Variants in CSMD1 observed in about 807,000 individuals in gnomAD.
The protein encoded by CSMD1 is CUB and Sushi multiple domains 1, also known as CUB and sushi domain-containing protein 1.
Under a neutral mutation model 417.5 loss-of-function variants are expected in CSMD1, and 213 were observed. That is an observed-to-expected ratio of 0.51 (90% CI 0.46 to 0.57). The LOEUF is 0.57. Among genes scored for constraint, CSMD1 ranks in the 20% least tolerant of loss-of-function variants. The pLI is 0.00. For missense variants in CSMD1, 6,923 were observed against 4,529.7 expected, an observed-to-expected ratio of 1.53 and a Z score of -15.17; for synonymous variants, 2,862 against 1,736.8, an observed-to-expected ratio of 1.65 and a Z score of -16.11.
intron 1 of CSMD1, among the ~76,000 whole-genome samples, chr8:4,923,320 T>A (rs1563776177): frequency 6.6e-6 from 1 of 152,126 alleles, no homozygotes; most frequent in Non-Finnish European, 1.5e-5. Context: ...GCTTTCGTAT[T>A]GGTTAGGAGC....
intron 1 of CSMD1, among the ~76,000 whole-genome samples, chr8:4,677,406 G>C (rs777928472): frequency 1.2e-4 from 18 of 151,958 alleles, no homozygotes; most frequent in Non-Finnish European, 2.5e-4. Context: ...TTGAATTAGA[G>C]ACAGATTCTC....
At chr8:3,359,389 A>G (rs1474088435) in intron 20 of CSMD1, 49 bp from the exon 21 acceptor site, 3 of 1,400,796 alleles carry the variant, frequency 2.1e-6, no homozygotes, top group Non-Finnish European at 3.0e-6. Context: ...GGGTAAATAC[A>G]CAAAGATTAA....
At chr8:3,230,332 C>G in intron 26 of CSMD1, 101 bp from the exon 27 acceptor site, 2 of 871,496 alleles carry the variant, frequency 2.3e-6, no homozygotes, top group Non-Finnish European at 3.4e-6. Context: ...CTTCATTGGC[C>G]TAATAAGTCA....
At chr8:4,060,478 G>A (rs1798915041) in intron 3 of CSMD1, among the ~76,000 whole-genome samples, 1 of 152,148 alleles carries the variant, frequency 6.6e-6, no homozygotes, top group African/African-American at 2.4e-5. Context: ...GTTATTATTT[G>A]AGAAGGAAGG....
At chr8:4,589,161 G>T (rs184726879) in intron 2 of CSMD1, among the ~76,000 whole-genome samples, 1 of 152,032 alleles carries the variant, frequency 6.6e-6, no homozygotes, top group Non-Finnish European at 1.5e-5. Context: ...AATGAGAAAA[G>T]AAAGAAAAGT....
intron 3 of CSMD1, among the ~76,000 whole-genome samples, chr8:4,162,710 G>A (rs958929925): frequency 3.3e-5 from 5 of 152,076 alleles, no homozygotes; most frequent in African/African-American, 4.8e-5. Flanking sequence ...ACGCCAGAGT[G>A]GTGCATTTGT....
At chr8:3,269,056 A>G (rs1777755076) in intron 26 of CSMD1, among the ~76,000 whole-genome samples, 1 of 152,216 alleles carries the variant, frequency 6.6e-6, no homozygotes, top group Non-Finnish European at 1.5e-5. Flanking sequence ...CGCTAATGTT[A>G]GAGAAAATGA....
At chr8:3,389,630 A>G (rs1811224080) in intron 17 of CSMD1, among the ~76,000 whole-genome samples, 1 of 43,686 alleles carries the variant, frequency 2.3e-5, no homozygotes, top group Non-Finnish European at 4.4e-5. Flanking sequence ...TGAGGATTAT[A>G]TATTAATGGT....
intron 2 of CSMD1, among the ~76,000 whole-genome samples, chr8:4,587,127 C>G (rs894711853): frequency 6.6e-6 from 1 of 152,104 alleles, no homozygotes; most frequent in African/African-American, 2.4e-5. Context: ...TAGGTGCGCT[C>G]TCTTCTTCCA....
At chr8:4,079,547 G>A (rs1203132780) in intron 3 of CSMD1, among the ~76,000 whole-genome samples, 1 of 152,160 alleles carries the variant, frequency 6.6e-6, no homozygotes, top group African/African-American at 2.4e-5. Context: ...AAACACTGAA[G>A]ATATTTATTG....
rs17348500 is a variant in CSMD1, at chr8:4,876,825, T to G, written c.85+117507A>C. On this transcript the variant is annotated intron_variant, in intron 1 of 69. Coordinates refer to ENST00000635120, the MANE Select transcript of CSMD1 (RefSeq NM_033225.6). ...CTTCTCAGATCTAAATTAGTTCAAG[T>G]AATAGAAGTTAAGATCAAGAAGATT... Among the ~76,000 whole-genome samples the G allele has an allele frequency of 4.6e-3, 697 of 152,152 alleles. 2 individuals are homozygous for G. Among genetic ancestry groups the G allele is most frequent in the Non-Finnish European group, 7.4e-3 (503 of 67,970 alleles).
At chr8:3,913,336 G>A (rs1004076670) in intron 5 of CSMD1, among the ~76,000 whole-genome samples, 2 of 152,014 alleles carry the variant, frequency 1.3e-5, no homozygotes, top group Non-Finnish European at 2.9e-5. Context: ...AGAATCCAAG[G>A]CCAATCCGAT....
chr8:4,058,632 G>C (rs1798818128), intron 3 of CSMD1, among the ~76,000 whole-genome samples: 1 of 149,838 alleles, frequency 6.7e-6, no homozygotes, highest in Admixed American at 6.7e-5. Flanking sequence ...AAAAGGCAGG[G>C]GTTGCAATCC....
intron 3 of CSMD1, among the ~76,000 whole-genome samples, chr8:4,359,808 G>T (rs1476346373): frequency 6.6e-6 from 1 of 152,208 alleles, no homozygotes; most frequent in Admixed American, 6.5e-5. Flanking sequence ...CAGGCTAGTT[G>T]CAGGAACCCA....
intron 49 of CSMD1, among the ~76,000 whole-genome samples, chr8:3,056,775 C>T (rs1466094026): frequency 6.6e-6 from 1 of 151,332 alleles, no homozygotes; most frequent in Non-Finnish European, 1.5e-5. Context: ...TATGTATACA[C>T]ATATGAATGT....
At chr8:4,107,987 G>C (rs894278864) in intron 3 of CSMD1, among the ~76,000 whole-genome samples, 2 of 152,000 alleles carry the variant, frequency 1.3e-5, no homozygotes, top group East Asian at 3.9e-4. Flanking sequence ...GGAGCTTAGA[G>C]AAGTAGAAAG....
chr8:4,733,838 G>A lies in CSMD1; in HGVS notation c.86-96280C>T, dbSNP rs567378333. 2.5e-4 allele frequency among the ~76,000 whole-genome samples: 38 copies of A among 152,208 alleles called. No individual in the cohort carries two copies. The South Asian group carries it at 7.7e-3, about 31-fold the overall frequency. ...AAAACTGCCTTATTTTATTATCACT[G>A]ACCATTACAAGAAGTCAATTTATTT... On this transcript the variant is annotated intron_variant, in intron 1 of 69. Coordinates refer to ENST00000635120, the MANE Select transcript of CSMD1 (RefSeq NM_033225.6).
intron 3 of CSMD1, among the ~76,000 whole-genome samples, chr8:4,264,379 A>G (rs991345993): frequency 2.0e-5 from 3 of 152,224 alleles, no homozygotes; most frequent in African/African-American, 7.2e-5. Flanking sequence ...TTTTTAGAAG[A>G]TAATACAAGA....
chr8:4,589,872 A>G (rs796688663), intron 2 of CSMD1, among the ~76,000 whole-genome samples: 6 of 152,300 alleles, frequency 3.9e-5, no homozygotes, highest in African/African-American at 1.2e-4. Context: ...ATCTATCAGG[A>G]GCCTGATGCC....
Sources: gnomAD v4.1 joint callset for allele counts (sites outside exome capture counted in the v4.1 genomes callset) on GRCh38, gnomAD v4.1.1 for gene constraint, MANE v1.5 for transcripts, NCBI Gene and HGNC (gene_info 2026-07-23, HGNC 2026-07-21) for gene names.